SMARCB1: variants seen among roughly 807,000 people sequenced by gnomAD.
SMARCB1 encodes SWI/SNF-related matrix-associated actin-dependent regulator of chromatin subfamily B member 1.
In SMARCB1, 5 loss-of-function variants were observed where a neutral mutation model predicts 49.0. The observed-to-expected ratio is 0.10, with a 90% CI of 0.05 to 0.21. SMARCB1 has a LOEUF of 0.21. SMARCB1 is among the 10% of genes least tolerant of loss of function. The pLI is 1.00. For missense variants in SMARCB1, 226 were observed against 509.2 expected, an observed-to-expected ratio of 0.44 and a Z score of 5.35; for synonymous variants, 201 against 200.1, an observed-to-expected ratio of 1.00 and a Z score of -0.04.
intron 4 of SMARCB1, chr22:23,801,554 CAT>C (rs34671617): frequency 0.023 from 8,643 of 369,784 alleles, 588 homozygotes; most frequent in African/African-American, 0.16. Context: ...AGACCAGACT[CAT>C]GTGTGGACAG....
At chr22:23,820,586 T>C (rs1268087230) in intron 6 of SMARCB1, among the ~76,000 whole-genome samples, 1 of 152,200 alleles carries the variant, frequency 6.6e-6, no homozygotes, top group East Asian at 1.9e-4. Context: ...AGTCAATCAG[T>C]GTTTGGTAGA....
Position 23,835,170 on chromosome 22 carries a change from G to A in SMARCB1, c.*990G>A, listed in dbSNP as rs2030943668. The A allele has an allele frequency of 1.6e-6, 2 of 1,287,564 alleles. No homozygotes were observed. The highest frequency in any genetic ancestry group is 7.6e-5 in the Admixed American group (2 of 26,174). 79.8% of individuals were successfully genotyped at this position (1,287,564 alleles called of 1,614,324 possible). On this transcript the variant is annotated 3_prime_UTR_variant, in exon 9 of 9. Transcript: ENST00000644036. The stretch of plus-strand genomic sequence containing the variant: ...TGACACGGTACAGGGAGGAGACACA[G>A]CCCAGGGTCCCTTCCCAGCCCTGCC...
chr22:23,825,216 T>C lies in SMARCB1; in HGVS notation c.796-9T>C, dbSNP rs765865422. ...AGCTCTAACTTGTGTCCTTTGGTTGTTGCCTCAGCTGAACATCCATGTGGG... is the reference window on the plus strand; with the variant it reads ...AGCTCTAACTTGTGTCCTTTGGTTGCTGCCTCAGCTGAACATCCATGTGGG... On this transcript the variant is annotated splice_polypyrimidine_tract_variant and intron_variant, in intron 6 of 8. Coordinates refer to ENST00000644036, the MANE Select transcript of SMARCB1 (RefSeq NM_003073.5). 6.2e-7 allele frequency: 1 copy of C among 1,613,634 alleles called. No individual in the cohort carries two copies. The highest frequency in any genetic ancestry group is 1.1e-5 in the South Asian group (1 of 91,080).
At chr22:23,830,605 T>C (rs1030512859) in intron 7 of SMARCB1, among the ~76,000 whole-genome samples, 13 of 151,862 alleles carry the variant, frequency 8.6e-5, no homozygotes, top group Non-Finnish European at 1.9e-4. Flanking sequence ...TTGATAGTGT[T>C]CTTTGAAGCA....
chr22:23,816,488 T>C, intron 5 of SMARCB1: 2 of 582,122 alleles, frequency 3.4e-6, no homozygotes. Flanking sequence ...TGGGATAATC[T>C]CATGCGCCCA....
chr22:23,825,540 G>T (rs1282445308), intron 7 of SMARCB1, 125 bp downstream of exon 7: 5 of 857,940 alleles, frequency 5.8e-6, no homozygotes, highest in South Asian at 4.9e-5. Flanking sequence ...TCTGGCTGGG[G>T]TCTGTGTGTT....
chr22:23,787,761 T>A (rs1428984559), intron 1 of SMARCB1, among the ~76,000 whole-genome samples: 1 of 152,192 alleles, frequency 6.6e-6, no homozygotes, highest in Non-Finnish European at 1.5e-5. Flanking sequence ...AGTGGAGGTC[T>A]TTTGACCTTT....
At chr22:23,805,805 G>T (rs760304797) in intron 5 of SMARCB1, among the ~76,000 whole-genome samples, 9 of 152,154 alleles carry the variant, frequency 5.9e-5, no homozygotes, top group Non-Finnish European at 5.9e-5. Flanking sequence ...GCGCCCGGCT[G>T]CTGTTTCTCT....
chr22:23,822,343 G>A (rs996800230), intron 6 of SMARCB1, among the ~76,000 whole-genome samples: 1 of 152,170 alleles, frequency 6.6e-6, no homozygotes, highest in African/African-American at 2.4e-5. Flanking sequence ...GGGGTGAGAT[G>A]TGAGTCAGGG....
intron 1 of SMARCB1, among the ~76,000 whole-genome samples, chr22:23,790,136 G>T (rs1473624695): frequency 1.3e-5 from 2 of 152,194 alleles, no homozygotes; most frequent in Non-Finnish European, 2.9e-5. Flanking sequence ...CCTAAGTTCT[G>T]AAGGGGCTTT....
rs1018516984 is a variant in SMARCB1 at position 23,837,744 on chromosome 22, C to A, written c.*3564C>A. On this transcript the variant is annotated 3_prime_UTR_variant, in exon 9 of 9. Coordinates refer to ENST00000644036, the MANE Select transcript of SMARCB1 (RefSeq NM_003073.5). Reference sequence around the variant, plus strand: ...GCAGGAACGGTGCCTGGAAAGTGAGCAGGCCGAAGAAGTTGACCCTCACCC... The same window carrying A: ...GCAGGAACGGTGCCTGGAAAGTGAGAAGGCCGAAGAAGTTGACCCTCACCC... 4.3e-6 allele frequency: 7 copies of A among 1,613,928 alleles called. No individual in the cohort carries two copies. In the East Asian group the frequency reaches 1.3e-4, roughly 31 times the overall value.
At chr22:23,829,249 G>A (rs921382865) in intron 7 of SMARCB1, among the ~76,000 whole-genome samples, 3 of 152,210 alleles carry the variant, frequency 2.0e-5, no homozygotes, top group Admixed American at 6.5e-5. Context: ...AGAAAGCACC[G>A]GAGGCTGTGG....
Position 23,835,806 on chromosome 22 carries a change from C to G in SMARCB1, c.*1626C>G. ...GGGGGATGGAAGGAACCTTGGCTGC[C>G]TCACCCCACAGGTCGGGCAGGGCCA... On this transcript the variant is annotated 3_prime_UTR_variant, in exon 9 of 9. Coordinates refer to ENST00000644036, the MANE Select transcript of SMARCB1 (RefSeq NM_003073.5). The G allele has an allele frequency of 1.0e-6, 1 of 985,502 alleles. No homozygotes were observed. Among genetic ancestry groups the G allele is most frequent in the Non-Finnish European group, 1.2e-6 (1 of 829,964 alleles). 61.0% of individuals were successfully genotyped at this position (985,502 alleles called of 1,614,324 possible). A position where few individuals can be genotyped will look rare whatever the true frequency, so the allele number is the denominator to read the frequency against.
chr22:23,789,744 C>T (rs1568934845), intron 1 of SMARCB1, among the ~76,000 whole-genome samples: 1 of 152,160 alleles, frequency 6.6e-6, no homozygotes, highest in Admixed American at 6.6e-5. Flanking sequence ...ATCATCAGAC[C>T]TTCGGAGTTT....
chr22:23,801,841 C>CG (rs1385649930), intron 4 of SMARCB1: 1 of 184,708 alleles, frequency 5.4e-6, no homozygotes, highest in Non-Finnish European at 1.2e-5. Flanking sequence ...TAGATGTCTT[C>CG]GGGGTCTGTT....
chr22:23,803,156 T>C, intron 4 of SMARCB1, 139 bp from the exon 5 acceptor site: 1 of 1,125,586 alleles, frequency 8.9e-7, no homozygotes, highest in Non-Finnish European at 1.3e-6. Context: ...CCTCGTCTGC[T>C]GCCTCAGCTG....
Position 23,834,381 on chromosome 22 carries a change from T to TCCCCCCC in SMARCB1, c.*204_*205insCCCCCCC. On this transcript the variant is annotated 3_prime_UTR_variant, in exon 9 of 9. Coordinates refer to ENST00000644036, the MANE Select transcript of SMARCB1 (RefSeq NM_003073.5). ...CCCAGTCCTGCCCCCCACCCCACCCTCCCTACCCCTCCCCAGTCTCTGGGG... is the reference window on the plus strand; with the variant it reads ...CCCAGTCCTGCCCCCCACCCCACCCTCCCCCCCCCCTACCCCTCCCCAGTCTCTGGGG... The TCCCCCCC allele has an allele frequency of 9.4e-6, 3 of 319,364 alleles. No individual in the cohort carries two copies. The highest frequency in any genetic ancestry group is 3.3e-5 in the South Asian group (1 of 30,534). 19.8% of individuals were successfully genotyped at this position (319,364 alleles called of 1,614,324 possible).
rs2145951819 is a variant in SMARCB1 at position 23,787,155 on chromosome 22, G to C, written c.-15G>C. On this transcript the variant is annotated 5_prime_UTR_variant, in exon 1 of 9. Coordinates refer to ENST00000644036, the MANE Select transcript of SMARCB1 (RefSeq NM_003073.5). ...CCTCGCAGCCCGGCTCCGGCCGCCC[G>C]CCTCTGCCGCCGCAATGATGATGAT... is the stretch of plus-strand genomic sequence containing the variant. The C allele has an allele frequency of 6.3e-7, 1 of 1,585,672 alleles. No individual in the cohort carries two copies. Among genetic ancestry groups the C allele is most frequent in the Non-Finnish European group, 8.6e-7 (1 of 1,157,568 alleles).
chr22:23,833,269 C>G (rs2030760199), intron 7 of SMARCB1, among the ~76,000 whole-genome samples: 1 of 152,228 alleles, frequency 6.6e-6, no homozygotes, highest in Admixed American at 6.5e-5. Context: ...GCTGTCCTGT[C>G]AAGGACCACC....
Sources: allele counts gnomAD v4.1 joint callset (sites outside exome capture counted in the v4.1 genomes callset), GRCh38; gene constraint gnomAD v4.1.1; transcripts MANE v1.5; gene names NCBI Gene and HGNC (gene_info 2026-07-23, HGNC 2026-07-21).